IGF2R: variants seen among roughly 807,000 people sequenced by gnomAD.
IGF2R encodes cation-independent mannose-6-phosphate receptor.
A neutral mutation model predicts 270.6 loss-of-function variants in IGF2R; 91 were observed. That is an observed-to-expected ratio of 0.34 (90% confidence interval 0.28 to 0.40). The LOEUF (loss-of-function observed/expected upper bound fraction) is 0.40, where lower values mean the gene tolerates loss of function less well. Ranked by LOEUF, IGF2R falls within the 10% of genes least tolerant of loss-of-function variation. IGF2R has a pLI of 1.00. For synonymous variants in IGF2R, 1,316 were observed against 1,258.9 expected, an observed-to-expected ratio of 1.05 and a Z score of -0.96; for missense variants, 2,805 against 3,188.3, an observed-to-expected ratio of 0.88 and a Z score of 2.90.
At chr6:160,016,711 A>G (rs1197254981) in intron 4 of IGF2R, among the ~76,000 whole-genome samples, 1 of 152,082 alleles carries the variant, frequency 6.6e-6, no homozygotes. Flanking sequence ...CCAGCCTGGT[A>G]TATTACTACT....
At position 160,040,705 on chromosome 6, in the gene IGF2R, C is replaced by T. The variant is rs372161921; in HGVS notation, c.1461C>T (p.Ser487=). The T allele has an allele frequency of 7.7e-5, 124 of 1,613,816 alleles. No homozygotes were observed. Among genetic ancestry groups the T allele is most frequent in the East Asian group, 7.6e-4 (34 of 44,894 alleles). Residue 487 remains serine, a synonymous_variant, in exon 11 of 48, where the codon TCC becomes TCT. Transcript: ENST00000356956. ...ATDGKKRYDL[S]ALVRHAEPEQ... is the part of the protein sequence containing the mutation. ...ACGGGAAGAAGCGCTATGACCTGTC[C>T]GCGCTGGTCCGCCATGCAGGTACTG...
intron 44 of IGF2R, among the ~76,000 whole-genome samples, chr6:160,091,112 A>G (rs1462972296): frequency 1.4e-3 from 107 of 75,776 alleles, no homozygotes; most frequent in Admixed American, 2.7e-3. Context: ...GGTGCTGAGC[A>G]CATCGCCGAG....
chr6:160,006,361 C>A (rs1304947990), intron 2 of IGF2R: 2 of 152,960 alleles, frequency 1.3e-5, no homozygotes, highest in African/African-American at 4.8e-5. Flanking sequence ...CCCACCCCCG[C>A]CCCTGCTCAG....
rs768388678 is a variant in IGF2R, at chr6:160,104,877, G to A, written c.7269G>A (p.Ser2423=). 96 of 1,614,060 alleles carry A rather than the reference G, an allele frequency of 5.9e-5. No individual in the cohort carries two copies. Among genetic ancestry groups the A allele is most frequent in the South Asian group, 2.2e-4 (20 of 91,082 alleles). Residue 2423 remains serine, a synonymous_variant, in exon 48 of 48, where the codon TCG becomes TCA. Coordinates refer to ENST00000356956, the MANE Select transcript of IGF2R (RefSeq NM_000876.4). ...VLTIPEVKVH[S]GRGAGAESSH... is the part of the protein sequence containing the mutation. The stretch of plus-strand genomic sequence containing the variant: ...CCATCCCAGAGGTGAAAGTTCACTC[G>A]GGCAGGGGAGCTGGGGCAGAGAGCT...
At chr6:160,030,953 C>T (rs1452680467) in intron 7 of IGF2R, among the ~76,000 whole-genome samples, 2 of 152,094 alleles carry the variant, frequency 1.3e-5, no homozygotes, top group Non-Finnish European at 2.9e-5. Flanking sequence ...GCAATCCTCC[C>T]ACTTCAGCCT....
chr6:159,973,181 A>G (rs1003094647), intron 1 of IGF2R, among the ~76,000 whole-genome samples: 1 of 152,168 alleles, frequency 6.6e-6, no homozygotes, highest in East Asian at 1.9e-4. Flanking sequence ...AGGCCAGGCC[A>G]TGCAAAACCA....
At position 160,076,008 on chromosome 6, in the gene IGF2R, C is replaced by T; in HGVS notation, c.5316+12C>T. On this transcript the variant is annotated intron_variant, in intron 36 of 47. Coordinates refer to ENST00000356956, the MANE Select transcript of IGF2R (RefSeq NM_000876.4). ...GAGGTGTGAGCATGGTAAGTGTGGG[C>T]CTGTGACGATCTAGATGCTCAACTG... 6.2e-7 allele frequency: 1 copy of T among 1,612,774 alleles called. No homozygotes were observed. The highest frequency in any genetic ancestry group is 8.5e-7 in the Non-Finnish European group (1 of 1,178,854).
At chr6:160,100,663 A>T (rs1779463362) in intron 45 of IGF2R, among the ~76,000 whole-genome samples, 2 of 145,474 alleles carry the variant, frequency 1.4e-5, no homozygotes, top group Admixed American at 6.8e-5. Context: ...CCAAGCTTAC[A>T]TCAAACACTT....
chr6:160,089,770 C>T (rs1583301828), intron 43 of IGF2R, 146 bp from the exon 44 acceptor site: 4 of 499,622 alleles, frequency 8.0e-6, no homozygotes, highest in East Asian at 3.4e-5. Flanking sequence ...GGGTCACAGA[C>T]GTGCTGCCCT....
rs374614994 is a variant in IGF2R at position 160,064,756 on chromosome 6, A to G, written c.4018-48A>G. On this transcript the variant is annotated intron_variant, in intron 28 of 47. Coordinates refer to ENST00000356956, the MANE Select transcript of IGF2R (RefSeq NM_000876.4). Reference sequence around the variant, plus strand: ...ATTCTTAAAACTCAAAGTATAAACTAAAGTTTTGCATTCTCACTTTTATAT... The same window carrying G: ...ATTCTTAAAACTCAAAGTATAAACTGAAGTTTTGCATTCTCACTTTTATAT... 7 of 1,348,812 alleles carry G rather than the reference A, an allele frequency of 5.2e-6. No individual in the cohort carries two copies. The African/African-American group carries it at 8.6e-5, about 17-fold the overall frequency. The allele number at this position is 1,348,812 out of a possible 1,614,324, so 83.6% of individuals were successfully genotyped here.
chr6:160,059,104 C>T lies in IGF2R; in HGVS notation c.3091+6C>T, dbSNP rs751609359. 15 of 1,611,462 alleles carry T rather than the reference C, an allele frequency of 9.3e-6. No homozygotes were observed. In the South Asian group the frequency reaches 1.4e-4, roughly 15 times the overall value. On this transcript the variant is annotated splice_donor_region_variant and intron_variant, in intron 22 of 47. Transcript: ENST00000356956. ...AGGGCCTCTCTCTGCCAAAGGTGAG[C>T]TCAGAGCCATGTTGTTTTGTAGCTA...
chr6:160,017,812 G>C (rs1777341059), intron 4 of IGF2R, among the ~76,000 whole-genome samples: 1 of 152,136 alleles, frequency 6.6e-6, no homozygotes, highest in South Asian at 2.1e-4. Flanking sequence ...CAAATGCTGA[G>C]GGAATTTGTC....
chr6:159,992,563 C>T (rs1783994983), intron 2 of IGF2R, among the ~76,000 whole-genome samples: 1 of 151,496 alleles, frequency 6.6e-6, no homozygotes, highest in Non-Finnish European at 1.5e-5. Context: ...TTTTTATGGC[C>T]AACATGTGGA....
intron 1 of IGF2R, among the ~76,000 whole-genome samples, chr6:159,976,681 C>T (rs645851): frequency 0.85 from 128,874 of 152,050 alleles, 55,141 homozygotes; most frequent in East Asian, 0.99. Flanking sequence ...TTTGTGTATT[C>T]CCTTTTTGGA....
chr6:160,044,322 A>G (rs907255092), intron 12 of IGF2R, among the ~76,000 whole-genome samples, 192 bp from the exon 13 acceptor site: 1 of 152,208 alleles, frequency 6.6e-6, no homozygotes, highest in African/African-American at 2.4e-5. Context: ...TGTCTAGCCA[A>G]ACGTGGCACT....
intron 1 of IGF2R, among the ~76,000 whole-genome samples, chr6:159,982,193 C>T (rs115333224): frequency 2.6e-4 from 40 of 152,230 alleles, no homozygotes; most frequent in African/African-American, 8.9e-4. Context: ...TCCCAAGGTC[C>T]AGTGTGGGAA....
intron 1 of IGF2R, among the ~76,000 whole-genome samples, chr6:159,985,751 G>A (rs1054003862): frequency 7.9e-5 from 12 of 152,362 alleles, no homozygotes; most frequent in Admixed American, 5.9e-4. Flanking sequence ...TGCAGCACAT[G>A]TGTGTCTCTC....
intron 10 of IGF2R, among the ~76,000 whole-genome samples, chr6:160,039,499 C>T (rs1562352878): frequency 1.3e-5 from 2 of 152,184 alleles, no homozygotes; most frequent in Non-Finnish European, 2.9e-5. Context: ...AGATTGTGCT[C>T]ACTACAGGTT....
At chr6:160,035,820 T>G (rs372586680) in intron 10 of IGF2R, among the ~76,000 whole-genome samples, 2 of 152,132 alleles carry the variant, frequency 1.3e-5, no homozygotes, top group African/African-American at 4.8e-5. Flanking sequence ...TGCTTAGTGT[T>G]GTCGCTCCGC....
Sources: gnomAD v4.1 joint callset for allele counts (sites outside exome capture counted in the v4.1 genomes callset) on GRCh38, gnomAD v4.1.1 for gene constraint, MANE v1.5 for transcripts, NCBI Gene and HGNC (gene_info 2026-07-23, HGNC 2026-07-21) for gene names.